The following PTPN4 variants were observed in gnomAD, a reference collection of about 807,000 sequenced individuals.
PTPN4 encodes the protein tyrosine-protein phosphatase non-receptor type 4.
PTPN4 carries 49 observed loss-of-function variants against 135.5 expected under a neutral mutation model. The ratio of observed to expected loss-of-function variants is 0.36; its 90% CI spans 0.29 to 0.46. The LOEUF (loss-of-function observed/expected upper bound fraction) is 0.46. Among genes scored for constraint, PTPN4 ranks in the 20% least tolerant of loss-of-function variants. The probability of loss-of-function intolerance (pLI) is 1.00; values close to 1 mark genes in which losing one functional copy is unlikely to be tolerated. For missense variants in PTPN4, 860 were observed against 1,101.0 expected, an observed-to-expected ratio of 0.78 and a Z score of 3.10; for synonymous variants, 333 against 369.9, an observed-to-expected ratio of 0.90 and a Z score of 1.14.
intron 26 of PTPN4, among the ~76,000 whole-genome samples, chr2:119,973,655 GTTTTTT>G (rs70949378): frequency 6.1e-3 from 233 of 38,390 alleles, no homozygotes; most frequent in South Asian, 0.019. Flanking sequence ...TTCATTTCTT[GTTTTTT>G]TTTTTTTTTT....
At position 119,978,094 on chromosome 2, in the gene PTPN4, T is replaced by G. The variant is rs1221315797; in HGVS notation, c.*1024T>G. 6.6e-6 allele frequency: 1 copy of G among 152,204 alleles called. No homozygotes were observed. Among genetic ancestry groups the G allele is most frequent in the Non-Finnish European group, 1.5e-5 (1 of 68,030 alleles). 9.4% of individuals were successfully genotyped at this position (152,204 alleles called of 1,614,324 possible). On this transcript the variant is annotated 3_prime_UTR_variant, in exon 27 of 27. Transcript: ENST00000263708. The stretch of plus-strand genomic sequence containing the variant: ...ATGGAATTGTTCAAAATCTGCACAT[T>G]CCTTTACTTGAGGGACTGAGGGGTT...
intron 2 of PTPN4, among the ~76,000 whole-genome samples, chr2:119,834,166 T>C (rs1379740299): frequency 6.6e-6 from 1 of 152,238 alleles, no homozygotes; most frequent in Non-Finnish European, 1.5e-5. Context: ...CATTTCTATG[T>C]GCTGGGAACA....
rs1025099723 is a variant in PTPN4, at chr2:119,932,429, C to T, written c.1076C>T (p.Pro359Leu). 5 of 1,603,860 alleles carry T rather than the reference C, an allele frequency of 3.1e-6. No homozygotes were observed. Among genetic ancestry groups the T allele is most frequent in the African/African-American group, 1.3e-5 (1 of 74,326 alleles). The part of the protein sequence containing the change: ...ANKDRVFARS[P>L]SKPLARKLMD... ...TATTTAATTTATTTCTGCAGATCCCCAAGTAAGCCCTTGGCACGGAAATTA... is the reference window on the plus strand; with the variant it reads ...TATTTAATTTATTTCTGCAGATCCCTAAGTAAGCCCTTGGCACGGAAATTA... Residue 359 changes from proline to leucine, a missense_variant, in exon 14 of 27, where the codon CCA (proline) becomes CTA (leucine). This residue lies in a region of PTPN4 where 684 missense variants were observed against 807.0 expected (regional missense o/e 0.85). Coordinates refer to ENST00000263708, the MANE Select transcript of PTPN4 (RefSeq NM_002830.4).
chr2:119,881,261 G>C (rs919411312), intron 5 of PTPN4, among the ~76,000 whole-genome samples: 3 of 152,244 alleles, frequency 2.0e-5, no homozygotes, highest in Non-Finnish European at 4.4e-5. Flanking sequence ...CAATCAAAGA[G>C]AGACTTCCTT....
chr2:119,808,180 C>T (rs1041453228), intron 1 of PTPN4, among the ~76,000 whole-genome samples: 1 of 152,212 alleles, frequency 6.6e-6, no homozygotes, highest in Non-Finnish European at 1.5e-5. Flanking sequence ...CAGGGATGCC[C>T]TCTCTCAACC....
rs5833807 is a variant in PTPN4, at chr2:119,949,448, ATCT to A, written c.1657-2521_1657-2519del. On this transcript the variant is annotated intron_variant, in intron 18 of 26. Transcript: ENST00000263708. Reference sequence around the variant, plus strand: ...TTTATTGTCATTTTTTATATTGGACATCTTCTGAAATGGATAAAACAACTCCCA... The same window carrying A: ...TTTATTGTCATTTTTTATATTGGACATCTGAAATGGATAAAACAACTCCCA... 6.2e-3 allele frequency among the ~76,000 whole-genome samples: 948 copies of A among 152,290 alleles called. 7 individuals are homozygous for A. Among genetic ancestry groups the A allele is most frequent in the African/African-American group, 0.022 (909 of 41,550 alleles).
In PTPN4 at chr2:119,918,000, G is replaced by T. The variant is rs187063743; in HGVS notation, c.829-2069G>T. On this transcript the variant is annotated intron_variant, in intron 11 of 26. Coordinates refer to ENST00000263708, the MANE Select transcript of PTPN4 (RefSeq NM_002830.4). ...ACCAAGTGTCAAAATGGGTGAATAT[G>T]TATGCATCTTAGATGCTGACAGTGA... Among the ~76,000 whole-genome samples the T allele has an allele frequency of 4.1e-3, 620 of 152,292 alleles. 2 individuals are homozygous for T. Among genetic ancestry groups the T allele is most frequent in the Non-Finnish European group, 6.5e-3 (441 of 68,014 alleles).
rs55911315 is a variant in PTPN4 at position 119,914,248 on chromosome 2, A to ATTTTTTTTTTTTTTTTTTTTTTTTT, written c.765-927_765-903dup. 9.2e-5 allele frequency among the ~76,000 whole-genome samples: 9 copies of ATTTTTTTTTTTTTTTTTTTTTTTTT among 97,428 alleles called. 2 individuals carry two copies. Among genetic ancestry groups the ATTTTTTTTTTTTTTTTTTTTTTTTT allele is most frequent in the African/African-American group, 5.3e-4 (9 of 17,036 alleles). 63.9% of individuals were successfully genotyped at this position (97,428 alleles called of 152,430 possible). A position where few individuals can be genotyped will look rare whatever the true frequency, so the allele number is the denominator to read the frequency against. ...CATAAATACAGTCAATAGTTACTCA[A>ATTTTTTTTTTTTTTTTTTTTTTTTT]TTTTTTTTTTTTTTTTTTTTTTTTT... is the stretch of plus-strand genomic sequence containing the variant. On this transcript the variant is annotated intron_variant, in intron 10 of 26. Transcript: ENST00000263708.
intron 2 of PTPN4, among the ~76,000 whole-genome samples, chr2:119,848,600 CTTT>C (rs1677542292): frequency 2.0e-5 from 3 of 151,846 alleles, no homozygotes; most frequent in Admixed American, 6.6e-5. Context: ...AATTTATCTT[CTTT>C]TTATTTATTT....
chr2:119,895,777 T>C (rs1272833836), intron 9 of PTPN4, among the ~76,000 whole-genome samples: 2 of 151,548 alleles, frequency 1.3e-5, no homozygotes, highest in Non-Finnish European at 2.9e-5. Flanking sequence ...AAAAATTAGC[T>C]GGGCGCGGTG....
intron 1 of PTPN4, among the ~76,000 whole-genome samples, chr2:119,809,455 G>A (rs950804205): frequency 6.6e-6 from 1 of 150,922 alleles, no homozygotes; most frequent in Non-Finnish European, 1.5e-5. Flanking sequence ...TTTTCCTCCT[G>A]TTGTCATTCT....
chr2:119,899,246 T>C (rs549349454), intron 9 of PTPN4, among the ~76,000 whole-genome samples: 9 of 152,296 alleles, frequency 5.9e-5, no homozygotes, highest in East Asian at 1.9e-4. Flanking sequence ...TTGAATCCAG[T>C]TGGAGTGGGA....
chr2:119,845,205 T>TC (rs1290769484), intron 2 of PTPN4, among the ~76,000 whole-genome samples: 127 of 119,190 alleles, frequency 1.1e-3, no homozygotes, highest in Admixed American at 2.7e-3. Flanking sequence ...CAGTCCAGCT[T>TC]CGGCTCCGCA....
chr2:119,828,155 G>T (rs907861991), intron 2 of PTPN4, among the ~76,000 whole-genome samples: 2 of 152,206 alleles, frequency 1.3e-5, no homozygotes, highest in African/African-American at 4.8e-5. Context: ...CCATATGTCA[G>T]TGCTCTGGTC....
chr2:119,904,405 A>G (rs1398835328), intron 10 of PTPN4, among the ~76,000 whole-genome samples: 1 of 152,186 alleles, frequency 6.6e-6, no homozygotes, highest in Non-Finnish European at 1.5e-5. Context: ...CAAATGGAAC[A>G]CTGTAAAGCA....
intron 3 of PTPN4, 24 bp from the exon 4 acceptor site, chr2:119,877,298 TC>T: frequency 6.2e-7 from 1 of 1,600,034 alleles, no homozygotes; most frequent in Non-Finnish European, 8.5e-7. Context: ...AAAAAAGAAA[TC>T]AGTTTTATTT....
chr2:119,889,661 T>C (rs1052118803), intron 9 of PTPN4, among the ~76,000 whole-genome samples: 5 of 152,194 alleles, frequency 3.3e-5, no homozygotes, highest in African/African-American at 1.2e-4. Context: ...CTATTAATTT[T>C]AGGTTTGTTT....
intron 2 of PTPN4, among the ~76,000 whole-genome samples, chr2:119,862,105 G>T (rs928302278): frequency 2.0e-5 from 3 of 152,174 alleles, no homozygotes; most frequent in African/African-American, 7.2e-5. Flanking sequence ...ATGAGTTAAT[G>T]TGGCAATAAT....
chr2:119,791,194 A>G (rs984868579), intron 1 of PTPN4: 2 of 149,888 alleles, frequency 1.3e-5, no homozygotes, highest in African/African-American at 2.5e-5. Context: ...CAGTGGCACA[A>G]TCTCAGCTCA....
Sources: gnomAD v4.1 joint callset for allele counts (sites outside exome capture counted in the v4.1 genomes callset) on GRCh38, gnomAD v4.1.1 for gene constraint, gnomAD v4.1.1 regional missense constraint, MANE v1.5 for transcripts, NCBI Gene and HGNC (gene_info 2026-07-23, HGNC 2026-07-21) for gene names.